Variants in CCDC175 observed in about 807,000 individuals in gnomAD.
CCDC175 encodes coiled-coil domain containing 175, also known as coiled-coil domain-containing protein 175.
Under a neutral mutation model 114.6 loss-of-function variants are expected in CCDC175, and 100 were observed. That is an observed-to-expected ratio of 0.87 (90% CI 0.74 to 1.03). The LOEUF is 1.03. CCDC175 is among the 50% of genes least tolerant of loss of function. CCDC175 has a pLI of 0.00. For synonymous variants in CCDC175, 306 were observed against 308.7 expected, an observed-to-expected ratio of 0.99 and a Z score of 0.09; for missense variants, 880 against 917.8, an observed-to-expected ratio of 0.96 and a Z score of 0.53.
intron 7 of CCDC175, among the ~76,000 whole-genome samples, chr14:59,555,908 G>T (rs1895868933): frequency 6.6e-6 from 1 of 152,098 alleles, no homozygotes. Context: ...CAACTTACAA[G>T]GGATGTGAAG....
intron 8 of CCDC175, among the ~76,000 whole-genome samples, chr14:59,547,910 T>C (rs1432941656): frequency 6.6e-6 from 1 of 152,220 alleles, no homozygotes; most frequent in Non-Finnish European, 1.5e-5. Context: ...ATGTGTAATA[T>C]TTTATAATAA....
chr14:59,553,131 T>A (rs1348791474), intron 7 of CCDC175, among the ~76,000 whole-genome samples: 1 of 152,020 alleles, frequency 6.6e-6, no homozygotes, highest in East Asian at 1.9e-4. Context: ...AAGATACTCC[T>A]CCAGAAGAGC....
rs981336777 is a variant in CCDC175, at chr14:59,565,068, T to C, written c.699A>G (p.Arg233=). ...TTACCTGTGCAGTCAACTCTTGTTT[T>C]CTTATTAGATATTCTGCCCTTTCTT... ...MEKERAEYLI[R]KQELTAQINE... The change falls in exon 5 of 20, where the codon AGA becomes AGG. Residue 233 remains arginine, a synonymous_variant. Coordinates refer to ENST00000537690, the MANE Select transcript of CCDC175 (RefSeq NM_001164399.2). 4.6e-6 allele frequency: 7 copies of C among 1,535,526 alleles called. No individual in the cohort carries two copies. The highest frequency in any genetic ancestry group is 5.2e-6 in the Non-Finnish European group (6 of 1,146,096).
chr14:59,552,198 C>A (rs1012077331), intron 7 of CCDC175, among the ~76,000 whole-genome samples: 1 of 152,236 alleles, frequency 6.6e-6, no homozygotes, highest in African/African-American at 2.4e-5. Context: ...CCCCGAGTAG[C>A]CTATCCAGGA....
At chr14:59,520,372 A>C (rs1327275657) in intron 17 of CCDC175, among the ~76,000 whole-genome samples, 1 of 152,232 alleles carries the variant, frequency 6.6e-6, no homozygotes, top group Non-Finnish European at 1.5e-5. Context: ...GGGATGAGAC[A>C]CTTAACAACC....
chr14:59,566,333 A>G (rs1435496515), intron 4 of CCDC175, among the ~76,000 whole-genome samples: 1 of 152,216 alleles, frequency 6.6e-6, no homozygotes, highest in African/African-American at 2.4e-5. Flanking sequence ...TTCCTTTTTA[A>G]AAGCTCCTGC....
chr14:59,557,758 C>T (rs780424648), intron 7 of CCDC175, among the ~76,000 whole-genome samples: 13 of 151,950 alleles, frequency 8.6e-5, no homozygotes, highest in Middle Eastern at 3.4e-3. Context: ...AATGTATACT[C>T]CTTTGAACTG....
At chr14:59,554,223 A>C (rs1274999075) in intron 7 of CCDC175, among the ~76,000 whole-genome samples, 3 of 152,280 alleles carry the variant, frequency 2.0e-5, no homozygotes, top group Admixed American at 1.3e-4. Context: ...AACTAAAGCA[A>C]TCTTCAGCAA....
chr14:59,545,180 T>C lies in CCDC175; in HGVS notation c.1155A>G (p.Lys385=), dbSNP rs1232222263. 6.5e-7 allele frequency: 1 copy of C among 1,536,904 alleles called. No homozygotes were observed. Among genetic ancestry groups the C allele is most frequent in the Admixed American group, 2.0e-5 (1 of 50,960 alleles). ...AGACATACTCATCATGAATCTTTTG[T>C]TTTTGCAAAAAAGCTTTTTCTTCCT... The part of the protein sequence containing the change: ...LSEEEKAFLQ[K]QKIHDENQKQ... Residue 385 remains lysine (K), a synonymous_variant, in exon 9 of 20, where the codon AAA becomes AAG. Transcript: ENST00000537690.
chr14:59,570,277 A>C (rs1402158566), intron 3 of CCDC175, among the ~76,000 whole-genome samples: 1 of 152,170 alleles, frequency 6.6e-6, no homozygotes, highest in Non-Finnish European at 1.5e-5. Flanking sequence ...AGCTGAGCAC[A>C]CTGGAATCAG....
chr14:59,516,133 C>T (rs1160327312), intron 17 of CCDC175, among the ~76,000 whole-genome samples: 1 of 152,154 alleles, frequency 6.6e-6, no homozygotes, highest in African/African-American at 2.4e-5. Context: ...AACAAAGACA[C>T]GACATACCAG....
chr14:59,547,168 G>GA (rs903524106), intron 8 of CCDC175, among the ~76,000 whole-genome samples: 2 of 152,076 alleles, frequency 1.3e-5, no homozygotes, highest in African/African-American at 2.4e-5. Context: ...TCCCAAGGAG[G>GA]AAAAATGAAA....
At chr14:59,554,075 G>A (rs1209465043) in intron 7 of CCDC175, among the ~76,000 whole-genome samples, 1 of 152,114 alleles carries the variant, frequency 6.6e-6, no homozygotes, top group Non-Finnish European at 1.5e-5. Context: ...AACTTAACAA[G>A]GATATCCAGG....
chr14:59,532,511 C>T (rs1894126109), intron 13 of CCDC175, among the ~76,000 whole-genome samples: 1 of 152,112 alleles, frequency 6.6e-6, no homozygotes, highest in Non-Finnish European at 1.5e-5. Flanking sequence ...AATGTTTGTT[C>T]TCTTCTCCTT....
At chr14:59,553,769 A>C (rs1400214365) in intron 7 of CCDC175, among the ~76,000 whole-genome samples, 2 of 152,324 alleles carry the variant, frequency 1.3e-5, no homozygotes, top group East Asian at 3.9e-4. Context: ...ATGGAGGAAG[A>C]TCTACCAAGC....
At chr14:59,531,467 C>G (rs957757500) in intron 14 of CCDC175, among the ~76,000 whole-genome samples, 4 of 151,998 alleles carry the variant, frequency 2.6e-5, no homozygotes, top group African/African-American at 4.8e-5. Context: ...CACATGGTAG[C>G]AAACAAATGA....
At chr14:59,531,124 A>T (rs1279373248) in intron 14 of CCDC175, among the ~76,000 whole-genome samples, 1 of 41,780 alleles carries the variant, frequency 2.4e-5, no homozygotes, top group Non-Finnish European at 7.8e-5. Context: ...GGTTTTGTTT[A>T]AAAAAAAAAA....
chr14:59,575,007 T>G lies in CCDC175; in HGVS notation c.179A>C (p.Tyr60Ser). Residue 60 changes from tyrosine (Y) to serine (S), a missense_variant, in exon 2 of 20, where the codon TAT (tyrosine) becomes TCT (serine). By Grantham distance (144) the Tyr-to-Ser change is moderately radical. Transcript: ENST00000537690. ...FVVEQSLQSD[Y>S]FKCNEEAKIF... Reference sequence around the variant, plus strand: ...CTTAGCTTCTTCATTACATTTAAAATAGTCACTTTGCAGTGATTGTTCTGA... The same window carrying G: ...CTTAGCTTCTTCATTACATTTAAAAGAGTCACTTTGCAGTGATTGTTCTGA... The G allele has an allele frequency of 6.6e-7, 1 of 1,514,586 alleles. No individual in the cohort carries two copies. Among genetic ancestry groups the G allele is most frequent in the South Asian group, 1.2e-5 (1 of 81,840 alleles). The allele number at this position is 1,514,586 out of a possible 1,614,324, so 93.8% of individuals were successfully genotyped here. A position where few individuals can be genotyped will look rare whatever the true frequency, so the allele number is the denominator to read the frequency against.
chr14:59,574,162 T>C (rs1285002432), intron 2 of CCDC175, among the ~76,000 whole-genome samples: 1 of 152,194 alleles, frequency 6.6e-6, no homozygotes, highest in East Asian at 1.9e-4. Context: ...GATATATATA[T>C]GTGTATAATT....
Sources: gnomAD v4.1 joint callset for allele counts (sites outside exome capture counted in the v4.1 genomes callset) on GRCh38, gnomAD v4.1.1 for gene constraint, MANE v1.5 for transcripts, NCBI Gene and HGNC (gene_info 2026-07-23, HGNC 2026-07-21) for gene names.